Variants in MARCHF1 observed in about 807,000 individuals in gnomAD.
The protein encoded by MARCHF1 is membrane associated ring-CH-type finger 1, also known as E3 ubiquitin-protein ligase MARCHF1.
In MARCHF1, 40 loss-of-function variants were observed where a neutral mutation model predicts 54.2. That is an observed-to-expected ratio of 0.74 (90% CI 0.57 to 0.96). The LOEUF (loss-of-function observed/expected upper bound fraction) is 0.96, where lower values mean the gene tolerates loss of function less well. Ranked by LOEUF, MARCHF1 falls within the 40% of genes least tolerant of loss-of-function variation. The probability of loss-of-function intolerance (pLI) is 0.00; values close to 1 mark genes in which losing one functional copy is unlikely to be tolerated. For synonymous variants in MARCHF1, 236 were observed against 236.3 expected, an observed-to-expected ratio of 1.00 and a Z score of 0.01; for missense variants, 586 against 656.5, an observed-to-expected ratio of 0.89 and a Z score of 1.17.
chr4:164,355,346 A>T (rs1441729061), intron 1 of MARCHF1, among the ~76,000 whole-genome samples: 2 of 94,808 alleles, frequency 2.1e-5, no homozygotes, highest in Non-Finnish European at 4.3e-5. Context: ...GAGGCATCAC[A>T]CTACCTGACT....
chr4:163,913,759 C>T (rs959615646), intron 3 of MARCHF1, among the ~76,000 whole-genome samples: 2 of 152,180 alleles, frequency 1.3e-5, no homozygotes, highest in African/African-American at 4.8e-5. Context: ...ACTGGTACTC[C>T]AGTATCTTTC....
chr4:163,574,005 C>G (rs1335677615), intron 8 of MARCHF1, among the ~76,000 whole-genome samples: 1 of 152,000 alleles, frequency 6.6e-6, no homozygotes, highest in African/African-American at 2.4e-5. Flanking sequence ...GATTGCCATT[C>G]TAACTGGTGT....
At position 164,218,957 on chromosome 4, in the gene MARCHF1, C is replaced by T. The variant is rs190346926; in HGVS notation, c.-322-107295G>A. Among the ~76,000 whole-genome samples, 58 of 151,938 alleles carry T rather than the reference C, an allele frequency of 3.8e-4. 2 individuals are homozygous for T. The East Asian group carries it at 9.1e-3, about 24-fold the overall frequency. ...ATAGCAATTAATGTAAAAAGTATCC[C>T]CAGGAGGCTGAAATACCCAAGGATA... On this transcript the variant is annotated intron_variant, in intron 1 of 9. Coordinates refer to ENST00000514618, the MANE Select transcript of MARCHF1 (RefSeq NM_001394959.1).
At chr4:164,142,205 A>G (rs772802406) in intron 1 of MARCHF1, among the ~76,000 whole-genome samples, 11 of 152,204 alleles carry the variant, frequency 7.2e-5, no homozygotes, top group Admixed American at 2.0e-4. Flanking sequence ...CTAGCACAGC[A>G]GTCTGAGATC....
intron 1 of MARCHF1, among the ~76,000 whole-genome samples, chr4:164,136,558 T>C (rs1014244207): frequency 1.3e-5 from 2 of 152,144 alleles, no homozygotes; most frequent in African/African-American, 4.8e-5. Context: ...AGTGGAGTAC[T>C]GAAAGCAATT....
chr4:164,352,499 T>C (rs1260037827), intron 1 of MARCHF1, among the ~76,000 whole-genome samples: 1 of 142,368 alleles, frequency 7.0e-6, no homozygotes, highest in African/African-American at 2.5e-5. Context: ...GAATTTCATA[T>C]CCAGCCAAAC....
chr4:163,871,093 C>A (rs1750159030), intron 3 of MARCHF1, among the ~76,000 whole-genome samples: 1 of 152,096 alleles, frequency 6.6e-6, no homozygotes, highest in South Asian at 2.1e-4. Flanking sequence ...TCATTCTGTA[C>A]ACCATTAATA....
intron 3 of MARCHF1, among the ~76,000 whole-genome samples, chr4:163,855,589 T>G (rs1490581924): frequency 2.0e-5 from 3 of 152,210 alleles, no homozygotes; most frequent in Admixed American, 1.3e-4. Flanking sequence ...AGTGAAATGA[T>G]ACATAATGAC....
chr4:163,876,541 A>G (rs1750293497), intron 3 of MARCHF1, among the ~76,000 whole-genome samples: 1 of 152,122 alleles, frequency 6.6e-6, no homozygotes, highest in South Asian at 2.1e-4. Context: ...AGAATGTGAC[A>G]TGCCACTAAA....
At chr4:164,319,616 C>A (rs928109844) in intron 1 of MARCHF1, among the ~76,000 whole-genome samples, 1 of 152,048 alleles carries the variant, frequency 6.6e-6, no homozygotes, top group Non-Finnish European at 1.5e-5. Context: ...AAATGTCAGA[C>A]CCCTAATACT....
chr4:163,627,241 G>C (rs555059809), intron 5 of MARCHF1, among the ~76,000 whole-genome samples: 1 of 152,252 alleles, frequency 6.6e-6, no homozygotes, highest in South Asian at 2.1e-4. Flanking sequence ...TGCATTTTTA[G>C]AGTGCTCCTA....
chr4:163,592,515 A>ATT (rs577036971), intron 7 of MARCHF1, among the ~76,000 whole-genome samples: 1 of 144,694 alleles, frequency 6.9e-6, no homozygotes, highest in African/African-American at 2.5e-5. Context: ...AATCAGCCAC[A>ATT]TTTTTTTTTT....
At chr4:163,958,165 T>A (rs1752269317) in intron 3 of MARCHF1, among the ~76,000 whole-genome samples, 1 of 151,938 alleles carries the variant, frequency 6.6e-6, no homozygotes, top group Non-Finnish European at 1.5e-5. Flanking sequence ...ATGTTCAAAT[T>A]TTACCTTCTC....
At chr4:163,891,421 A>G (rs996714483) in intron 3 of MARCHF1, among the ~76,000 whole-genome samples, 11 of 152,170 alleles carry the variant, frequency 7.2e-5, no homozygotes, top group Admixed American at 7.2e-4. Flanking sequence ...CTGTTTTCTC[A>G]TTTTAAAAGG....
intron 1 of MARCHF1, among the ~76,000 whole-genome samples, chr4:164,281,314 ATACTGCC>A (rs1253758588): frequency 6.6e-6 from 1 of 152,182 alleles, no homozygotes; most frequent in Non-Finnish European, 1.5e-5. Context: ...TATACAAATC[ATACTGCC>A]TTCCATCAAA....
intron 1 of MARCHF1, among the ~76,000 whole-genome samples, chr4:164,160,614 CTT>C (rs1311732945): frequency 6.6e-6 from 1 of 152,084 alleles, no homozygotes; most frequent in African/African-American, 2.4e-5. Flanking sequence ...CAGAAAATAA[CTT>C]TGGATATAAT....
Position 164,199,681 on chromosome 4 carries a change from C to CACACACACAG in MARCHF1, c.-322-88020_-322-88019insCTGTGTGTGT, listed in dbSNP as rs1462208986. On this transcript the variant is annotated intron_variant, in intron 1 of 9. Transcript: ENST00000514618. ...ACACACACACACACACACACACACA[C>CACACACACAG]AGAGAGAGAGAGAGAGAGAGAGAGA... Among the ~76,000 whole-genome samples the CACACACACAG allele has an allele frequency of 2.5e-4, 12 of 47,654 alleles. No homozygotes were observed. In the South Asian group the frequency reaches 5.2e-3, roughly 21 times the overall value. The allele number at this position is 47,654 out of a possible 152,430, so 31.3% of individuals were successfully genotyped here.
At chr4:164,027,559 G>T (rs1753798047) in intron 2 of MARCHF1, among the ~76,000 whole-genome samples, 1 of 151,822 alleles carries the variant, frequency 6.6e-6, no homozygotes, top group Non-Finnish European at 1.5e-5. Context: ...GCAGAAGAAT[G>T]AAACTGTACC....
At chr4:163,724,805 G>C (rs1745600254) in intron 4 of MARCHF1, among the ~76,000 whole-genome samples, 1 of 152,160 alleles carries the variant, frequency 6.6e-6, no homozygotes, top group African/African-American at 2.4e-5. Flanking sequence ...GACCCTCCAA[G>C]CCATGCATGG....
Sources: allele counts gnomAD v4.1 joint callset (sites outside exome capture counted in the v4.1 genomes callset), GRCh38; gene constraint gnomAD v4.1.1; transcripts MANE v1.5; gene names NCBI Gene and HGNC (gene_info 2026-07-23, HGNC 2026-07-21).